RP1: variants seen among roughly 807,000 people sequenced by gnomAD.
RP1 encodes oxygen-regulated protein 1.
Under a neutral mutation model 14.8 loss-of-function variants are expected in RP1, and 16 were observed. The observed-to-expected ratio is 1.08, with a 90% CI of 0.73 to 1.65. The LOEUF (loss-of-function observed/expected upper bound fraction) is 1.65, where lower values mean the gene tolerates loss of function less well. RP1 is among the 40% of genes most tolerant of loss of function. The pLI, the probability that RP1 is intolerant of heterozygous loss-of-function variation, is 0.00. For missense variants in RP1, 2,631 were observed against 2,535.0 expected, an observed-to-expected ratio of 1.04 and a Z score of -0.81; for synonymous variants, 876 against 883.6, an observed-to-expected ratio of 0.99 and a Z score of 0.15.
intron 24 of RP1, among the ~76,000 whole-genome samples, chr8:54,818,026 G>T (rs1291745147): frequency 1.3e-5 from 2 of 152,034 alleles, no homozygotes; most frequent in East Asian, 1.9e-4. Flanking sequence ...CACAACCAGA[G>T]TTTTTCTATA....
In RP1 at chr8:54,621,281, A is replaced by G. The variant is rs764145254; in HGVS notation, c.315A>G (p.Leu105=). 6.4e-5 allele frequency: 103 copies of G among 1,613,812 alleles called. No individual in the cohort carries two copies. Among genetic ancestry groups the G allele is most frequent in the Non-Finnish European group, 7.8e-5 (92 of 1,180,000 alleles). ...LEELEDGESY[L]CSHGRKVQPV... ...AGCTGGAGGACGGCGAGTCCTACCT[A>G]TGTTCCCACGGCAGGAAGGTGCAGC... Residue 105 remains leucine, a synonymous_variant, in exon 2 of 4, where the codon CTA becomes CTG. Transcript: ENST00000220676.
chr8:54,771,724 A>G (rs1160473100), downstream of RP1, among the ~76,000 whole-genome samples: 1 of 152,064 alleles, frequency 6.6e-6, no homozygotes, highest in Admixed American at 6.6e-5. Context: ...AAATAATGCA[A>G]CCTTTAATAT....
intron 12 of RP1, among the ~76,000 whole-genome samples, chr8:54,685,330 G>A (rs1458404882): frequency 6.6e-6 from 1 of 152,088 alleles, no homozygotes; most frequent in African/African-American, 2.4e-5. Context: ...CTTTAGCTGT[G>A]TCCCAGAGTT....
At chr8:54,574,923 AG>A (rs1804609656) in intron 1 of RP1, among the ~76,000 whole-genome samples, 1 of 152,156 alleles carries the variant, frequency 6.6e-6, no homozygotes, top group Non-Finnish European at 1.5e-5. Context: ...TTGAAGTAAC[AG>A]CTAACCCTAT....
intron 27 of RP1, among the ~76,000 whole-genome samples, chr8:54,861,279 A>T (rs1015295821): frequency 6.6e-6 from 1 of 152,126 alleles, no homozygotes; most frequent in African/African-American, 2.4e-5. Flanking sequence ...TGAGTTTTAA[A>T]TTTTTTCATG....
chr8:54,720,556 C>T (rs1296472364), intron 16 of RP1, among the ~76,000 whole-genome samples: 1 of 152,088 alleles, frequency 6.6e-6, no homozygotes, highest in Non-Finnish European at 1.5e-5. Context: ...TATGTGTGTG[C>T]ATTCGTGTGT....
intron 1 of RP1, among the ~76,000 whole-genome samples, chr8:54,566,606 A>G (rs1314413968): frequency 6.6e-6 from 1 of 152,074 alleles, no homozygotes; most frequent in Non-Finnish European, 1.5e-5. Context: ...CTCTCCTTCC[A>G]GCTGCTTCTC....
chr8:54,833,229 C>T (rs1024685915), intron 24 of RP1, among the ~76,000 whole-genome samples: 2 of 151,896 alleles, frequency 1.3e-5, no homozygotes, highest in Admixed American at 6.6e-5. Context: ...GAAGATTAGA[C>T]TGTGTGTTTC....
chr8:54,846,122 C>T (rs184827432), intron 25 of RP1, among the ~76,000 whole-genome samples: 1 of 152,158 alleles, frequency 6.6e-6, no homozygotes, highest in East Asian at 1.9e-4. Flanking sequence ...AACTTCTTGG[C>T]CGAAGAAGAA....
intron 12 of RP1, among the ~76,000 whole-genome samples, chr8:54,693,023 G>T (rs975073951): frequency 2.0e-4 from 30 of 152,048 alleles, no homozygotes; most frequent in Admixed American, 2.0e-4. Context: ...TCCAGTTTCA[G>T]CTTTCTACAT....
At chr8:54,783,943 A>G (rs1240202301) in intron 24 of RP1, among the ~76,000 whole-genome samples, 2 of 152,160 alleles carry the variant, frequency 1.3e-5, no homozygotes, top group Non-Finnish European at 2.9e-5. Flanking sequence ...AAAAAACTAC[A>G]TGCATTTTAG....
chr8:54,758,880 CT>C, intron 21 of RP1: 1 of 1,530,100 alleles, frequency 6.5e-7, no homozygotes, highest in Non-Finnish European at 8.7e-7. Flanking sequence ...GCCTCGGACT[CT>C]AGTTATTTCT....
intron 3 of RP1, among the ~76,000 whole-genome samples, chr8:54,647,421 A>C (rs1806572699): frequency 6.6e-6 from 1 of 152,196 alleles, no homozygotes; most frequent in African/African-American, 2.4e-5. Context: ...TCTCAAAAAA[A>C]TAAAAATAAA....
chr8:54,712,349 A>T (rs1053139451), intron 15 of RP1, among the ~76,000 whole-genome samples: 3 of 152,114 alleles, frequency 2.0e-5, no homozygotes, highest in African/African-American at 7.2e-5. Flanking sequence ...AAGATGCCAT[A>T]TTTTAGGGTA....
exon 18 of RP1, chr8:54,734,591 T>C (rs755225199): frequency 1.2e-5 from 18 of 1,535,478 alleles, no homozygotes; most frequent in Non-Finnish European, 1.5e-5. Flanking sequence ...TGTCAGAAGA[T>C]GAATGGAAGG....
At chr8:54,772,424 A>G (rs906299509), downstream of RP1, among the ~76,000 whole-genome samples, 3 of 152,178 alleles carry the variant, frequency 2.0e-5, no homozygotes, top group African/African-American at 7.2e-5. Context: ...TGAATGATCT[A>G]TGAAGACCAT....
At chr8:54,741,081 T>G (rs1486585231) in intron 19 of RP1, among the ~76,000 whole-genome samples, 1 of 150,988 alleles carries the variant, frequency 6.6e-6, no homozygotes, top group Non-Finnish European at 1.5e-5. Flanking sequence ...AGAAAGAAAA[T>G]ATTTTTGTAT....
chr8:54,812,387 C>T (rs945101496), intron 24 of RP1, among the ~76,000 whole-genome samples: 4 of 152,190 alleles, frequency 2.6e-5, no homozygotes, highest in Non-Finnish European at 4.4e-5. Flanking sequence ...ATTCTCCACC[C>T]ACCTCAGTCT....
At chr8:54,759,081 T>G in intron 22 of RP1, 1 of 1,533,878 alleles carries the variant, frequency 6.5e-7, no homozygotes, top group Non-Finnish European at 8.7e-7. Flanking sequence ...TCAAAGGTAA[T>G]GCTGGTCTCC....
Sources: gnomAD v4.1 joint callset for allele counts (sites outside exome capture counted in the v4.1 genomes callset) on GRCh38, gnomAD v4.1.1 for gene constraint, MANE v1.5 for transcripts, NCBI Gene and HGNC (gene_info 2026-07-23, HGNC 2026-07-21) for gene names.